Variants in SHISA9 observed in about 807,000 individuals in gnomAD.
The protein encoded by SHISA9 is protein shisa-9.
In SHISA9, 13 loss-of-function variants were observed where a neutral mutation model predicts 38.0. That is an observed-to-expected ratio of 0.34 (90% confidence interval 0.22 to 0.54). SHISA9 has a LOEUF of 0.54. Among genes scored for constraint, SHISA9 ranks in the 20% least tolerant of loss-of-function variants. The probability of loss-of-function intolerance (pLI) is 0.91; values close to 1 mark genes in which losing one functional copy is unlikely to be tolerated. For synonymous variants in SHISA9, 275 were observed against 242.0 expected, an observed-to-expected ratio of 1.14 and a Z score of -1.27; for missense variants, 538 against 575.8, an observed-to-expected ratio of 0.93 and a Z score of 0.67.
chr16:13,484,260 T>G, the SHISA9 span, among the ~76,000 whole-genome samples: 1 of 152,204 alleles, frequency 6.6e-6, no homozygotes, highest in African/African-American at 2.4e-5. Context: ...TGAGAGTTTT[T>G]CCGAAACAAG....
At chr16:13,306,131 C>CAA in the SHISA9 span, among the ~76,000 whole-genome samples, 193 of 152,248 alleles carry the variant, frequency 1.3e-3, no homozygotes, top group African/African-American at 4.0e-3. Flanking sequence ...ATGCTGCAAA[C>CAA]TATGTTTTTT....
the SHISA9 span, among the ~76,000 whole-genome samples, chr16:13,302,020 G>C: frequency 6.6e-6 from 1 of 152,058 alleles, no homozygotes; most frequent in African/African-American, 2.4e-5. Context: ...AGAGTGAGGG[G>C]TACACACTGA....
At chr16:13,462,754 A>C in the SHISA9 span, among the ~76,000 whole-genome samples, 1 of 151,570 alleles carries the variant, frequency 6.6e-6, no homozygotes, top group Non-Finnish European at 1.5e-5. Context: ...CTGAAGTCAG[A>C]AGTTCGAGAC....
intron 2 of SHISA9, among the ~76,000 whole-genome samples, chr16:13,151,746 G>A (rs1485714260): frequency 6.6e-6 from 1 of 152,142 alleles, no homozygotes; most frequent in East Asian, 1.9e-4. Context: ...TGATCATTCT[G>A]CACGTCAGTA....
At chr16:13,546,566 C>T in the SHISA9 span, among the ~76,000 whole-genome samples, 1 of 152,134 alleles carries the variant, frequency 6.6e-6, no homozygotes, top group Non-Finnish European at 1.5e-5. Flanking sequence ...AATTGAAAGA[C>T]GTAAAGTAGC....
chr16:12,948,445 G>T (rs2071714024), intron 2 of SHISA9, among the ~76,000 whole-genome samples: 1 of 152,216 alleles, frequency 6.6e-6, no homozygotes, highest in Non-Finnish European at 1.5e-5. Context: ...TGACAACATT[G>T]TGGTGTATTT....
the SHISA9 span, among the ~76,000 whole-genome samples, chr16:13,542,621 A>G: frequency 6.6e-6 from 1 of 152,160 alleles, no homozygotes; most frequent in South Asian, 2.1e-4. Flanking sequence ...TGAATGAGCT[A>G]TCCTTTCTGC....
the SHISA9 span, among the ~76,000 whole-genome samples, chr16:13,477,118 A>T: frequency 2.6e-5 from 4 of 152,138 alleles, no homozygotes; most frequent in Admixed American, 6.5e-5. Context: ...CACTTATTGC[A>T]TACCTACAAG....
chr16:13,004,617 C>A (rs2072571604), intron 2 of SHISA9, among the ~76,000 whole-genome samples: 1 of 151,932 alleles, frequency 6.6e-6, no homozygotes, highest in South Asian at 2.1e-4. Flanking sequence ...GAGGGATAGA[C>A]AAGATGGTGA....
chr16:12,981,435 C>A (rs1389662088), intron 2 of SHISA9, among the ~76,000 whole-genome samples: 1 of 152,208 alleles, frequency 6.6e-6, no homozygotes, highest in Non-Finnish European at 1.5e-5. Flanking sequence ...CCTTTCACAG[C>A]CTTACTGGGC....
intron 2 of SHISA9, among the ~76,000 whole-genome samples, chr16:13,174,872 A>C (rs1028169475): frequency 1.3e-5 from 2 of 152,190 alleles, no homozygotes; most frequent in African/African-American, 4.8e-5. Flanking sequence ...TTATGTGGGG[A>C]AAGGGTCCCT....
intron 2 of SHISA9, among the ~76,000 whole-genome samples, chr16:12,921,727 C>G (rs1051353978): frequency 2.0e-5 from 3 of 152,104 alleles, no homozygotes; most frequent in Non-Finnish European, 2.9e-5. Context: ...GATCACACCA[C>G]TGCACTCTAG....
intron 4 of SHISA9, among the ~76,000 whole-genome samples, chr16:13,218,701 G>A (rs968549293): frequency 2.0e-5 from 3 of 152,264 alleles, no homozygotes; most frequent in South Asian, 4.1e-4. Context: ...ACGTAAAATC[G>A]CTAAACCAGT....
the SHISA9 span, among the ~76,000 whole-genome samples, chr16:13,552,789 C>G: frequency 6.6e-6 from 1 of 151,802 alleles, no homozygotes; most frequent in Non-Finnish European, 1.5e-5. Context: ...CAAGGTCAGG[C>G]TAGCTCTCTT....
the SHISA9 span, among the ~76,000 whole-genome samples, chr16:13,516,099 C>T: frequency 6.6e-6 from 1 of 152,216 alleles, no homozygotes; most frequent in Non-Finnish European, 1.5e-5. Context: ...GCATGTTCTG[C>T]ATGGAGACAT....
the SHISA9 span, among the ~76,000 whole-genome samples, chr16:13,278,364 G>A: frequency 2.0e-3 from 304 of 152,042 alleles, 2 homozygotes; most frequent in African/African-American, 6.4e-3. Flanking sequence ...CAGGGATATC[G>A]GTCTGTAGTT....
chr16:12,934,310 C>G (rs1439439450), intron 2 of SHISA9, among the ~76,000 whole-genome samples: 1 of 152,182 alleles, frequency 6.6e-6, no homozygotes, highest in Non-Finnish European at 1.5e-5. Context: ...CAATGCTTGA[C>G]CTGACCATCC....
intron 2 of SHISA9, among the ~76,000 whole-genome samples, chr16:13,153,709 G>A (rs2050519007): frequency 6.6e-6 from 1 of 152,156 alleles, no homozygotes. Context: ...CAGGATGTTT[G>A]CCAGTCTTCT....
At chr16:13,020,401 C>T (rs2072837844) in intron 2 of SHISA9, among the ~76,000 whole-genome samples, 1 of 152,104 alleles carries the variant, frequency 6.6e-6, no homozygotes, top group East Asian at 1.9e-4. Flanking sequence ...TGTTGCTCCC[C>T]CGTATGTATC....
Sources: gnomAD v4.1 joint callset for allele counts (sites outside exome capture counted in the v4.1 genomes callset) on GRCh38, gnomAD v4.1.1 for gene constraint, MANE v1.5 for transcripts, NCBI Gene and HGNC (gene_info 2026-07-23, HGNC 2026-07-21) for gene names.